Variants in RESF1 observed in about 807,000 individuals in gnomAD.
RESF1 encodes the protein retroelement silencing factor 1.
Under a neutral mutation model 134.7 loss-of-function variants are expected in RESF1, and 65 were observed. That is an observed-to-expected ratio of 0.48 (90% CI 0.40 to 0.59). The LOEUF (loss-of-function observed/expected upper bound fraction) is 0.59, where lower values mean the gene tolerates loss of function less well. Ranked by LOEUF, RESF1 falls within the 20% of genes least tolerant of loss-of-function variation. The pLI, the probability that RESF1 is intolerant of heterozygous loss-of-function variation, is 0.00. For missense variants in RESF1, 2,274 were observed against 2,002.7 expected (o/e 1.14, Z -2.59); for synonymous variants, 762 against 702.2 (o/e 1.09, Z -1.35).
intron 5 of RESF1, among the ~76,000 whole-genome samples, chr12:31,989,736 C>G (rs761850023): frequency 6.6e-6 from 1 of 152,042 alleles, no homozygotes; most frequent in Non-Finnish European, 1.5e-5. Flanking sequence ...CCTGTAATAC[C>G]AGCTATTCAG....
At position 31,985,008 on chromosome 12, in the gene RESF1, T is replaced by A. The variant is rs570257190; in HGVS notation, c.4053T>A (p.Ser1351Arg). 1 of 1,604,824 alleles carries A rather than the reference T, an allele frequency of 6.2e-7. No homozygotes were observed. The highest frequency in any genetic ancestry group is 1.1e-5 in the South Asian group (1 of 88,214). Residue 1351 changes from serine to arginine, a missense_variant, in exon 4 of 6, where the codon AGT becomes AGA. Ser to Arg is a moderately radical substitution (Grantham distance 110, BLOSUM62 -1). Transcript: ENST00000312561. ...LPNKDVYKKH[S>R]SLGQSLSPEK... is the part of the protein sequence containing the mutation. ...ATAAAGATGTGTATAAGAAGCATAG[T>A]TCTTTGGGACAGTCATTATCACCAG... is the stretch of plus-strand genomic sequence containing the variant.
At chr12:31,974,046 T>C (rs1939573798) in intron 3 of RESF1, among the ~76,000 whole-genome samples, 1 of 152,064 alleles carries the variant, frequency 6.6e-6, no homozygotes. Context: ...ATTAATTTGC[T>C]AGAGCTCACA....
rs79282248 is a variant in RESF1 at position 31,973,243 on chromosome 12, T to C, written c.-79+2887T>C. 8.9e-3 allele frequency among the ~76,000 whole-genome samples: 1,354 copies of C among 152,248 alleles called. 16 individuals are homozygous for C. The highest frequency in any genetic ancestry group is 0.031 in the African/African-American group (1,274 of 41,526). On this transcript the variant is annotated intron_variant, in intron 3 of 5. Coordinates refer to ENST00000312561, the MANE Select transcript of RESF1 (RefSeq NM_018169.4). ...TATCCACAAGTAGATTATGCCATCC[T>C]AGAGACTGCAGCTGACCCTTGAACA... is the stretch of plus-strand genomic sequence containing the variant.
rs773430904 is a variant in RESF1, at chr12:31,985,653, A to G, written c.4698A>G (p.Gln1566=). 9 of 1,613,034 alleles carry G rather than the reference A, an allele frequency of 5.6e-6. No individual in the cohort carries two copies. The highest frequency in any genetic ancestry group is 2.2e-5 in the South Asian group (2 of 90,668). The change falls in exon 4 of 6, where the codon CAA becomes CAG. Residue 1566 remains glutamine, a synonymous_variant. Transcript: ENST00000312561. Reference sequence around the variant, plus strand: ...TAACCAATATAAGCAACGAAGCTCAATTCAGCCAAATGCCTCCCCAAGTAA... The same window carrying G: ...TAACCAATATAAGCAACGAAGCTCAGTTCAGCCAAATGCCTCCCCAAGTAA... The part of the protein sequence containing the change: ...DKLTNISNEA[Q]FSQMPPQVKD...
intron 3 of RESF1, among the ~76,000 whole-genome samples, chr12:31,976,614 C>T (rs1451861714): frequency 2.0e-5 from 3 of 151,778 alleles, no homozygotes; most frequent in South Asian, 2.1e-4. Flanking sequence ...ACCCAGGAGG[C>T]AGAGGTTGCA....
rs757791707 is a variant in RESF1, at chr12:31,983,994, A to C, written c.3039A>C (p.Ser1013=). 1.9e-6 allele frequency: 3 copies of C among 1,614,026 alleles called. No individual in the cohort carries two copies. The highest frequency in any genetic ancestry group is 2.5e-6 in the Non-Finnish European group (3 of 1,179,988). ...EKSTANDTCS[S]AAIQEDIYPQ... ...GCACAGCTAACGATACGTGCTCGTC[A>C]GCTGCTATTCAGGAGGATATTTACC... The change falls in exon 4 of 6, where the codon TCA becomes TCC. Residue 1013 remains serine (S), a synonymous_variant. Coordinates refer to ENST00000312561, the MANE Select transcript of RESF1 (RefSeq NM_018169.4).
In RESF1 at chr12:31,984,670, A is replaced by G. The variant is rs1254310203; in HGVS notation, c.3715A>G (p.Lys1239Glu). The change falls in exon 4 of 6, where the codon AAG (lysine) becomes GAG (glutamate). Residue 1239 changes from lysine (K) to glutamate (E), a missense_variant. Lys to Glu is a moderately conservative substitution (Grantham distance 56). Transcript: ENST00000312561. The stretch of plus-strand genomic sequence containing the variant: ...ATTTAAGAGCCTTGTAAATAATCCA[A>G]AGACTCCTCCAGATGGGAAAAGTCA... ...VQFKSLVNNP[K>E]TPPDGKSHFP... The G allele has an allele frequency of 1.3e-6, 2 of 1,583,784 alleles. No individual in the cohort carries two copies. Among genetic ancestry groups the G allele is most frequent in the Admixed American group, 2.0e-5 (1 of 50,038 alleles).
intron 4 of RESF1, among the ~76,000 whole-genome samples, chr12:31,986,829 C>G (rs1231113734): frequency 6.6e-6 from 1 of 152,072 alleles, no homozygotes; most frequent in Non-Finnish European, 1.5e-5. Context: ...ATATGTTTTC[C>G]TGGAAAAGAA....
chr12:31,964,013 C>G (rs12231559), intron 2 of RESF1, among the ~76,000 whole-genome samples: 1 of 152,036 alleles, frequency 6.6e-6, no homozygotes, highest in African/African-American at 2.4e-5. Flanking sequence ...TTTATGTAGA[C>G]GTGTATTTTT....
chr12:31,983,293 A>G lies in RESF1; in HGVS notation c.2338A>G (p.Thr780Ala). ...EVKTLSVKGI[T>A]PAVLPETVYP... ...CAAAACATTGTCTGTCAAAGGAATA[A>G]CACCTGCAGTGTTACCTGAAACAGT... The change falls in exon 4 of 6, where the codon ACA becomes GCA. Residue 780 changes from threonine to alanine, a missense_variant. Physicochemically the swap from Thr to Ala is moderately conservative, Grantham distance 58 (BLOSUM62 0). Transcript: ENST00000312561. The G allele has an allele frequency of 6.2e-7, 1 of 1,613,928 alleles. No homozygotes were observed. Among genetic ancestry groups the G allele is most frequent in the Non-Finnish European group, 8.5e-7 (1 of 1,179,928 alleles).
At chr12:31,967,957 A>AT (rs1939435393) in intron 2 of RESF1, among the ~76,000 whole-genome samples, 2 of 152,198 alleles carry the variant, frequency 1.3e-5, no homozygotes, top group African/African-American at 4.8e-5. Flanking sequence ...TGATAGGCTA[A>AT]TTTTTTCTGT....
Position 31,985,633 on chromosome 12 carries a change from A to T in RESF1, c.4678A>T (p.Asn1560Tyr). ...IDKTKLDKLTNISNEAQFSQM... is the reference protein window; with the variant it reads ...IDKTKLDKLTYISNEAQFSQM... ...TAAGACTAAATTAGACAAATTAACC[A>T]ATATAAGCAACGAAGCTCAATTCAG... Residue 1560 changes from asparagine to tyrosine, a missense_variant, in exon 4 of 6, where the codon AAT becomes TAT. By Grantham distance (143) the Asn-to-Tyr change is moderately radical. Coordinates refer to ENST00000312561, the MANE Select transcript of RESF1 (RefSeq NM_018169.4). The T allele has an allele frequency of 1.9e-6, 3 of 1,610,566 alleles. No homozygotes were observed. The highest frequency in any genetic ancestry group is 2.5e-6 in the Non-Finnish European group (3 of 1,179,212).
At chr12:31,972,213 C>G (rs11051709) in intron 3 of RESF1, among the ~76,000 whole-genome samples, 3 of 152,034 alleles carry the variant, frequency 2.0e-5, no homozygotes, top group African/African-American at 7.2e-5. Flanking sequence ...TGCTCTAACA[C>G]GACAAACCAA....
At chr12:31,979,587 G>C (rs1020055400) in intron 3 of RESF1, among the ~76,000 whole-genome samples, 6 of 152,132 alleles carry the variant, frequency 3.9e-5, no homozygotes, top group Non-Finnish European at 7.3e-5. Flanking sequence ...ACCCAGGCTG[G>C]AGTGGAGTGG....
chr12:31,991,405 G>A (rs532529491), intron 5 of RESF1, among the ~76,000 whole-genome samples: 7 of 152,262 alleles, frequency 4.6e-5, no homozygotes, highest in Admixed American at 3.9e-4. Context: ...CAGATCTAAA[G>A]AACTAACAGG....
rs769747370 is a variant in RESF1, at chr12:31,982,672, T to C, written c.1717T>C (p.Tyr573His). The part of the protein sequence containing the change: ...SVPKSMSTEE[Y>H]KSKIQNENML... ...TCCCAAGTCCATGTCCACTGAGGAA[T>C]ATAAATCAAAAATTCAAAATGAAAA... The change falls in exon 4 of 6, where the codon TAT (tyrosine) becomes CAT (histidine). Residue 573 changes from tyrosine to histidine, a missense_variant. Tyr to His is a moderately conservative substitution (Grantham distance 83, BLOSUM62 2). Coordinates refer to ENST00000312561, the MANE Select transcript of RESF1 (RefSeq NM_018169.4). 5 of 1,614,060 alleles carry C rather than the reference T, an allele frequency of 3.1e-6. No individual in the cohort carries two copies. Among genetic ancestry groups the C allele is most frequent in the Middle Eastern group, 1.6e-4 (1 of 6,062 alleles).
chr12:31,974,307 A>ACTCTT (rs1290114296), intron 3 of RESF1, among the ~76,000 whole-genome samples: 1 of 151,896 alleles, frequency 6.6e-6, no homozygotes. Context: ...AATCTACAAG[A>ACTCTT]GTTTTAGGTG....
chr12:31,987,949 G>A (rs192083502), intron 5 of RESF1, among the ~76,000 whole-genome samples: 7 of 152,158 alleles, frequency 4.6e-5, no homozygotes, highest in East Asian at 3.9e-4. Context: ...TGGCCAGGCC[G>A]GTCCCAAACT....
chr12:31,973,941 T>C (rs1191826020), intron 3 of RESF1, among the ~76,000 whole-genome samples: 1 of 152,156 alleles, frequency 6.6e-6, no homozygotes, highest in Non-Finnish European at 1.5e-5. Context: ...GGTTGAGGAC[T>C]CAGTCCCACA....
Sources: gnomAD v4.1 joint callset for allele counts (sites outside exome capture counted in the v4.1 genomes callset) on GRCh38, gnomAD v4.1.1 for gene constraint, MANE v1.5 for transcripts, NCBI Gene and HGNC (gene_info 2026-07-23, HGNC 2026-07-21) for gene names.